Variants in ANO1 observed in about 807,000 individuals in gnomAD.
ANO1 encodes anoctamin-1.
ANO1 carries 59 observed loss-of-function variants against 124.0 expected under a neutral mutation model. The ratio of observed to expected loss-of-function variants is 0.48; its 90% confidence interval spans 0.39 to 0.59. ANO1 has a LOEUF of 0.59. Among genes scored for constraint, ANO1 ranks in the 20% least tolerant of loss-of-function variants. The probability of loss-of-function intolerance (pLI) is 0.00; values close to 1 mark genes in which losing one functional copy is unlikely to be tolerated. For missense variants in ANO1, 1,059 were observed against 1,328.0 expected, an observed-to-expected ratio of 0.80 and a Z score of 3.15; for synonymous variants, 529 against 532.0, an observed-to-expected ratio of 0.99 and a Z score of 0.08.
At chr11:70,131,718 C>T (rs893973629) in intron 10 of ANO1, among the ~76,000 whole-genome samples, 2 of 152,328 alleles carry the variant, frequency 1.3e-5, no homozygotes, top group African/African-American at 4.8e-5. Context: ...ATGGGTCACA[C>T]GCCTGTGAAG....
rs574656807 is a variant in ANO1 at position 70,083,819 on chromosome 11, G to A, written c.109-3933G>A. On this transcript the variant is annotated intron_variant, in intron 1 of 25. Coordinates refer to ENST00000355303, the MANE Select transcript of ANO1 (RefSeq NM_018043.7). ...GACAGTCCCTGGCCAGGCCTCCGGG[G>A]TCCTGCCATCCAGCTTTGGGGCTAA... Among the ~76,000 whole-genome samples, 13 of 152,290 alleles carry A rather than the reference G, an allele frequency of 8.5e-5. No individual in the cohort carries two copies. The East Asian group carries it at 2.5e-3, about 29-fold the overall frequency.
intron 22 of ANO1, among the ~76,000 whole-genome samples, chr11:70,172,313 C>T (rs936117836): frequency 1.3e-5 from 2 of 152,004 alleles, no homozygotes; most frequent in Non-Finnish European, 2.9e-5. Flanking sequence ...CCACCGGAGC[C>T]AGCCATCACA....
chr11:70,131,578 T>G (rs1312206321), intron 10 of ANO1, among the ~76,000 whole-genome samples: 2 of 152,212 alleles, frequency 1.3e-5, no homozygotes, highest in African/African-American at 4.8e-5. Flanking sequence ...TCCGCCCGCC[T>G]TGGCCTCCCA....
At chr11:70,018,969 C>T (rs1555002310) in intron 1 of ANO1, among the ~76,000 whole-genome samples, 1 of 152,210 alleles carries the variant, frequency 6.6e-6, no homozygotes, top group Non-Finnish European at 1.5e-5. Flanking sequence ...AGTTAGAGTC[C>T]ATGGAAGGGA....
intron 1 of ANO1, among the ~76,000 whole-genome samples, chr11:70,037,957 C>G (rs1032281768): frequency 1.6e-4 from 25 of 152,136 alleles, no homozygotes; most frequent in Admixed American, 5.9e-4. Context: ...GCTACTCCTG[C>G]TGCAAAGAAA....
intron 12 of ANO1, among the ~76,000 whole-genome samples, chr11:70,151,408 AG>A (rs1165117812): frequency 1.3e-5 from 2 of 151,982 alleles, no homozygotes; most frequent in Non-Finnish European, 2.9e-5. Flanking sequence ...CCATGGAGGG[AG>A]CTCTCTGGGT....
upstream of ANO1, chr11:69,985,775 C>CCG (rs1307377878): frequency 1.6e-4 from 25 of 152,198 alleles, no homozygotes; most frequent in African/African-American, 5.5e-4. Context: ...CTGCAGCGTC[C>CCG]CGCGCCGCTC....
At chr11:70,143,678 C>T (rs1198154939) in intron 11 of ANO1, among the ~76,000 whole-genome samples, 7 of 152,244 alleles carry the variant, frequency 4.6e-5, no homozygotes, top group South Asian at 2.1e-4. Context: ...TGAGAAATCC[C>T]GGATGAAATG....
intron 7 of ANO1, 31 bp from the exon 8 acceptor site, chr11:70,116,427 T>C (rs1565215850): frequency 6.3e-7 from 1 of 1,582,394 alleles, no homozygotes; most frequent in South Asian, 1.2e-5. Flanking sequence ...CATTGGATGA[T>C]AAGAACGTCC....
At chr11:69,991,420 C>T (rs1554997466) in intron 1 of ANO1, among the ~76,000 whole-genome samples, 1 of 152,182 alleles carries the variant, frequency 6.6e-6, no homozygotes, top group Non-Finnish European at 1.5e-5. Context: ...CCTCCATTGA[C>T]AGCAGGGGTA....
intron 2 of ANO1, among the ~76,000 whole-genome samples, chr11:70,099,223 C>T (rs894740863): frequency 2.6e-5 from 4 of 152,360 alleles, no homozygotes; most frequent in African/African-American, 9.6e-5. Flanking sequence ...CTGTCACTCC[C>T]AGTGTCTTCC....
intron 1 of ANO1, among the ~76,000 whole-genome samples, chr11:70,041,743 C>T (rs930706089): frequency 3.9e-5 from 6 of 151,994 alleles, no homozygotes; most frequent in Non-Finnish European, 8.8e-5. Context: ...AACAGTAATC[C>T]TGCTGTACTT....
At chr11:70,148,722 A>T (rs1166606283) in intron 11 of ANO1, among the ~76,000 whole-genome samples, 1 of 152,186 alleles carries the variant, frequency 6.6e-6, no homozygotes, top group Non-Finnish European at 1.5e-5. Flanking sequence ...CTGTGTGCTC[A>T]CAAAAGTTGC....
chr11:70,010,170 T>TGA (rs1480817629), intron 1 of ANO1, among the ~76,000 whole-genome samples: 1 of 102,642 alleles, frequency 9.7e-6, no homozygotes, highest in Non-Finnish European at 2.2e-5. Context: ...TGTGTGCGCG[T>TGA]GTGTGTGTGT....
At chr11:70,158,783 G>C (rs1004732113) in intron 16 of ANO1, among the ~76,000 whole-genome samples, 1 of 152,322 alleles carries the variant, frequency 6.6e-6, no homozygotes, top group South Asian at 2.1e-4. Context: ...GAAGTCCAGA[G>C]GAGGGTGGCC....
chr11:70,046,565 G>C (rs369640155), intron 1 of ANO1, among the ~76,000 whole-genome samples: 6 of 152,164 alleles, frequency 3.9e-5, no homozygotes, highest in African/African-American at 1.2e-4. Flanking sequence ...GAGACTACCC[G>C]GCCACTGAGA....
intron 10 of ANO1, among the ~76,000 whole-genome samples, chr11:70,130,486 T>A (rs1590815180): frequency 6.6e-6 from 1 of 152,216 alleles, no homozygotes; most frequent in Non-Finnish European, 1.5e-5. Flanking sequence ...ACTTCCCCTC[T>A]CTGGGCTCTG....
chr11:70,085,940 G>A (rs1451408995), intron 1 of ANO1, among the ~76,000 whole-genome samples: 7 of 152,234 alleles, frequency 4.6e-5, no homozygotes, highest in African/African-American at 1.7e-4. Context: ...GCTGCCCAGG[G>A]GCTCCAGGCG....
intron 8 of ANO1, among the ~76,000 whole-genome samples, chr11:70,120,991 A>C (rs2046239635): frequency 6.6e-6 from 1 of 152,200 alleles, no homozygotes. Context: ...TTGACAGTGC[A>C]GAGTGACTGA....
Sources: allele counts gnomAD v4.1 joint callset (sites outside exome capture counted in the v4.1 genomes callset), GRCh38; gene constraint gnomAD v4.1.1; transcripts MANE v1.5; gene names NCBI Gene and HGNC (gene_info 2026-07-23, HGNC 2026-07-21).